Variants in TLL1 observed in about 807,000 individuals in gnomAD.
The protein encoded by TLL1 is tolloid like 1.
A neutral mutation model predicts 128.2 loss-of-function variants in TLL1; 49 were observed. That is an observed-to-expected ratio of 0.38 (90% CI 0.30 to 0.48). The LOEUF (loss-of-function observed/expected upper bound fraction) is 0.48. Ranked by LOEUF, TLL1 falls within the 20% of genes least tolerant of loss-of-function variation. TLL1 has a pLI of 0.96. For missense variants in TLL1, 1,123 were observed against 1,242.0 expected (o/e 0.90, Z 1.44); for synonymous variants, 454 against 418.8 (o/e 1.08, Z -1.03).
intron 12 of TLL1, among the ~76,000 whole-genome samples, chr4:166,050,774 AG>A (rs2111104648): frequency 6.6e-6 from 1 of 152,254 alleles, no homozygotes; most frequent in South Asian, 2.1e-4. Context: ...TTAGAATGAG[AG>A]GTTGACCACT....
intron 1 of TLL1, among the ~76,000 whole-genome samples, chr4:165,975,997 T>A (rs1735860005): frequency 8.2e-6 from 1 of 121,580 alleles, no homozygotes; most frequent in Non-Finnish European, 1.6e-5. Context: ...CAGAACATAC[T>A]ACTGCACAGC....
At chr4:166,067,093 A>G (rs951843998) in intron 16 of TLL1, among the ~76,000 whole-genome samples, 9 of 151,754 alleles carry the variant, frequency 5.9e-5, no homozygotes, top group African/African-American at 1.9e-4. Context: ...TGTGTTCACT[A>G]TTTGGGTGAT....
At chr4:166,019,402 G>T (rs1738108698) in intron 8 of TLL1, among the ~76,000 whole-genome samples, 1 of 151,812 alleles carries the variant, frequency 6.6e-6, no homozygotes, top group African/African-American at 2.4e-5. Context: ...TCTTATACAT[G>T]TACTCTTTGT....
chr4:166,088,811 T>A (rs72697394), intron 18 of TLL1, among the ~76,000 whole-genome samples: 1 of 152,204 alleles, frequency 6.6e-6, no homozygotes, highest in Non-Finnish European at 1.5e-5. Flanking sequence ...AGCTCAATGC[T>A]ACTTTGTGTG....
At chr4:166,095,237 G>A (rs531678776) in intron 19 of TLL1, among the ~76,000 whole-genome samples, 1 of 152,030 alleles carries the variant, frequency 6.6e-6, no homozygotes, top group Non-Finnish European at 1.5e-5. Flanking sequence ...AATGTGTAAT[G>A]ATGGCTGCTT....
chr4:166,060,267 A>G (rs1435633247), intron 15 of TLL1, 79 bp downstream of exon 15: 3 of 1,448,872 alleles, frequency 2.1e-6, no homozygotes, highest in Admixed American at 1.8e-5. Context: ...AAAAAAAAAA[A>G]AGATGTAGTA....
chr4:165,963,902 A>T (rs993454260), intron 1 of TLL1, among the ~76,000 whole-genome samples: 2 of 152,292 alleles, frequency 1.3e-5, no homozygotes. Flanking sequence ...GCTGCACGTT[A>T]TTAAAAATTT....
chr4:166,090,415 G>A (rs954689038), intron 18 of TLL1, among the ~76,000 whole-genome samples: 2 of 151,886 alleles, frequency 1.3e-5, no homozygotes, highest in African/African-American at 4.8e-5. Context: ...AATGTGCTAA[G>A]TCACACAGAT....
chr4:166,057,371 TTCTC>T lies in TLL1; in HGVS notation c.1846+64_1846+67del, dbSNP rs2111113830. 4 of 1,584,064 alleles carry T rather than the reference TTCTC, an allele frequency of 2.5e-6. No homozygotes were observed. In the South Asian group the frequency reaches 4.5e-5, roughly 18 times the overall value. ...CAATTATTTATTTCTTATATTCTCA[TTCTC>T]TGTCTGTCTTCCTCTTTCTTTCCCT... On this transcript the variant is annotated intron_variant, in intron 14 of 20. Transcript: ENST00000061240.
intron 1 of TLL1, among the ~76,000 whole-genome samples, chr4:165,930,930 T>C (rs879569689): frequency 2.6e-5 from 4 of 152,218 alleles, no homozygotes; most frequent in Admixed American, 2.6e-4. Flanking sequence ...TTGGTTGTGT[T>C]AGGGAAATGA....
chr4:165,912,112 T>C (rs1222539104), intron 1 of TLL1, among the ~76,000 whole-genome samples: 1 of 152,164 alleles, frequency 6.6e-6, no homozygotes, highest in African/African-American at 2.4e-5. Context: ...CCTGACCTCA[T>C]GATCTGTCTG....
intron 8 of TLL1, among the ~76,000 whole-genome samples, chr4:166,015,549 T>C (rs984541758): frequency 3.3e-4 from 50 of 151,996 alleles, no homozygotes; most frequent in African/African-American, 1.2e-3. Context: ...CTGGTGTCAG[T>C]CCAGGGAACT....
Position 166,063,487 on chromosome 4 carries a change from C to A in TLL1, c.2008-2196C>A, listed in dbSNP as rs529557622. ...ACCATTTGACCCAGCCACCCCATTA[C>A]GGGGTATATACCCAAAGGATTATAA... is the stretch of plus-strand genomic sequence containing the variant. On this transcript the variant is annotated intron_variant, in intron 15 of 20. Transcript: ENST00000061240. Among the ~76,000 whole-genome samples, 732 of 152,226 alleles carry A rather than the reference C, an allele frequency of 4.8e-3. 3 individuals are homozygous for A. The highest frequency in any genetic ancestry group is 0.017 in the African/African-American group (695 of 41,530).
intron 1 of TLL1, among the ~76,000 whole-genome samples, chr4:165,898,039 T>A (rs926906872): frequency 6.6e-6 from 1 of 152,186 alleles, no homozygotes; most frequent in Non-Finnish European, 1.5e-5. Flanking sequence ...TTGTCTGTTA[T>A]TGGTGTATAG....
At chr4:166,016,492 T>A (rs1265279471) in intron 8 of TLL1, among the ~76,000 whole-genome samples, 1 of 152,046 alleles carries the variant, frequency 6.6e-6, no homozygotes, top group African/African-American at 2.4e-5. Flanking sequence ...CTTATGATAT[T>A]GTAATTTATT....
intron 19 of TLL1, among the ~76,000 whole-genome samples, chr4:166,094,252 A>G (rs1741917891): frequency 1.3e-5 from 2 of 152,134 alleles, no homozygotes; most frequent in Non-Finnish European, 2.9e-5. Flanking sequence ...GCAGTTTCTA[A>G]AATAGTGTCA....
rs140306293 is a variant in TLL1, at chr4:166,096,614, AC to A, written c.2657-2662del. Reference sequence around the variant, plus strand: ...TAACTTGTATCTGTGAGGCAGACACACAAAAGGCTGCCTGTACCAGATCTCC... The same window carrying A: ...TAACTTGTATCTGTGAGGCAGACACAAAAAGGCTGCCTGTACCAGATCTCC... On this transcript the variant is annotated intron_variant, in intron 19 of 20. Coordinates refer to ENST00000061240, the MANE Select transcript of TLL1 (RefSeq NM_012464.5). Among the ~76,000 whole-genome samples the A allele has an allele frequency of 7.1e-4, 108 of 152,172 alleles. 1 individual carries two copies. In the East Asian group the frequency reaches 0.02, roughly 28 times the overall value.
chr4:166,065,877 C>T lies in TLL1; in HGVS notation c.2188+14C>T. 1 of 1,585,534 alleles carries T rather than the reference C, an allele frequency of 6.3e-7. No homozygotes were observed. The highest frequency in any genetic ancestry group is 1.1e-5 in the South Asian group (1 of 89,964). On this transcript the variant is annotated intron_variant, in intron 16 of 20. Coordinates refer to ENST00000061240, the MANE Select transcript of TLL1 (RefSeq NM_012464.5). ...ATTTTTTCTCAGGTATAAGCATTCA[C>T]ATGTTGTATGTGTATATTACAGATT...
At chr4:166,057,341 C>T (rs1579685403) in intron 14 of TLL1, 32 bp downstream of exon 14, 2 of 1,612,570 alleles carry the variant, frequency 1.2e-6, no homozygotes, top group South Asian at 1.1e-5. Flanking sequence ...GACCCCCACC[C>T]CCCACAATTA....
Sources: gnomAD v4.1 joint callset for allele counts (sites outside exome capture counted in the v4.1 genomes callset) on GRCh38, gnomAD v4.1.1 for gene constraint, MANE v1.5 for transcripts, NCBI Gene and HGNC (gene_info 2026-07-23, HGNC 2026-07-21) for gene names.